Variants in ING4 observed in about 807,000 individuals in gnomAD.
ING4 encodes the protein inhibitor of growth protein 4.
A neutral mutation model predicts 33.1 loss-of-function variants in ING4; 28 were observed. The ratio of observed to expected loss-of-function variants is 0.85; its 90% CI spans 0.63 to 1.16. ING4 has a LOEUF of 1.16. Among genes scored for constraint, ING4 ranks in the 50% most tolerant of loss-of-function variants. The pLI, the probability that ING4 is intolerant of heterozygous loss-of-function variation, is 0.00. For synonymous variants in ING4, 87 were observed against 104.4 expected, an observed-to-expected ratio of 0.83 and a Z score of 1.02; for missense variants, 247 against 314.7, an observed-to-expected ratio of 0.78 and a Z score of 1.63.
intron 6 of ING4, 87 bp downstream of exon 6, chr12:6,652,184 C>G: frequency 6.9e-7 from 1 of 1,444,930 alleles, no homozygotes; most frequent in Non-Finnish European, 9.5e-7. Flanking sequence ...TCTGAAGTCC[C>G]AGTACTCAAC....
intron 1 of ING4, 26 bp downstream of exon 1, chr12:6,663,039 G>T: frequency 5.6e-6 from 9 of 1,611,844 alleles, no homozygotes; most frequent in Non-Finnish European, 7.6e-6. Flanking sequence ...CTGCAGCCCC[G>T]ACCCCCACCT....
At chr12:6,662,975 C>T (rs1223816489) in intron 1 of ING4, 90 bp downstream of exon 1, 2 of 1,374,900 alleles carry the variant, frequency 1.5e-6, no homozygotes, top group Admixed American at 1.9e-5. Flanking sequence ...GTGACCTTCT[C>T]GTCACTGGAA....
chr12:6,658,742 ACT>A (rs1361160821), intron 1 of ING4, among the ~76,000 whole-genome samples: 27 of 151,914 alleles, frequency 1.8e-4, no homozygotes, highest in African/African-American at 6.0e-4. Context: ...TAATCAAGTC[ACT>A]CTCCCGCTTA....
chr12:6,650,979 G>A lies in ING4; in HGVS notation c.*216C>T. The stretch of plus-strand genomic sequence containing the variant: ...CACGTCCCTCCGAAGGGAGAGGGCT[G>A]AAGGAGAGCACATACCGTTAGTGGC... On this transcript the variant is annotated 3_prime_UTR_variant, in exon 8 of 8. Transcript: ENST00000341550. 3.3e-6 allele frequency: 2 copies of A among 610,306 alleles called. No homozygotes were observed. Among genetic ancestry groups the A allele is most frequent in the East Asian group, 5.5e-5 (2 of 36,060 alleles). 37.8% of individuals were successfully genotyped at this position (610,306 alleles called of 1,614,324 possible). A position where few individuals can be genotyped will look rare whatever the true frequency, so the allele number is the denominator to read the frequency against.
intron 1 of ING4, among the ~76,000 whole-genome samples, 200 bp downstream of exon 1, chr12:6,662,865 T>TC (rs1426402459): frequency 2.3e-5 from 3 of 129,014 alleles, no homozygotes; most frequent in Non-Finnish European, 5.2e-5. Context: ...ACCGCACCCC[T>TC]CCCTCGTCTA....
intron 1 of ING4, among the ~76,000 whole-genome samples, chr12:6,658,255 G>A (rs1294973541): frequency 2.0e-5 from 3 of 151,846 alleles, no homozygotes; most frequent in Non-Finnish European, 4.4e-5. Context: ...CCACTAAGAC[G>A]GGCCCCTTTC....
chr12:6,658,198 G>A (rs939534452), intron 1 of ING4, among the ~76,000 whole-genome samples: 7 of 151,758 alleles, frequency 4.6e-5, no homozygotes, highest in African/African-American at 1.7e-4. Flanking sequence ...GGCCTCAGGT[G>A]ATCCGCCCGC....
Position 6,652,274 on chromosome 12 carries a change from A to G in ING4, c.642T>C (p.Pro214=), listed in dbSNP as rs1308746655. ...CCTAAGGCAAAATGTTTCTCACATC[A>G]GGGTTGTCACAGCCAATCATCTCTC... is the stretch of plus-strand genomic sequence containing the variant. The part of the protein sequence containing the change: ...SYGEMIGCDN[P]DCSIEWFHFA... Residue 214 remains proline (P), a synonymous_variant, in exon 6 of 8, where the codon CCT becomes CCC. Coordinates refer to ENST00000341550, the MANE Select transcript of ING4 (RefSeq NM_016162.4). The G allele has an allele frequency of 1.9e-6, 3 of 1,613,800 alleles. No homozygotes were observed. The highest frequency in any genetic ancestry group is 2.2e-5 in the South Asian group (2 of 91,052).
intron 1 of ING4, among the ~76,000 whole-genome samples, chr12:6,659,910 T>C (rs971204667): frequency 6.7e-6 from 1 of 149,762 alleles, no homozygotes; most frequent in Non-Finnish European, 1.5e-5. Context: ...ACCAGGGAGG[T>C]AGAGGTTGCA....
In ING4 at chr12:6,657,601, T is replaced by G. The variant is rs141682293; in HGVS notation, c.38-803A>C. On this transcript the variant is annotated intron_variant, in intron 1 of 7. Coordinates refer to ENST00000341550, the MANE Select transcript of ING4 (RefSeq NM_016162.4). ...AAACCTTTCCATTTCTGCATGGCTA[T>G]CCCACCCTTTTCGCCTTCAGTGACC... Among the ~76,000 whole-genome samples, 8 of 152,234 alleles carry G rather than the reference T, an allele frequency of 5.3e-5. No homozygotes were observed. In the East Asian group the frequency reaches 9.7e-4, roughly 19 times the overall value.
Position 6,656,748 on chromosome 12 carries a change from C to A in ING4, c.88G>T (p.Asp30Tyr). The A allele has an allele frequency of 6.4e-7, 1 of 1,573,128 alleles. No homozygotes were observed. Among genetic ancestry groups the A allele is most frequent in the South Asian group, 1.2e-5 (1 of 83,926 alleles). ...ELQRNFQLMR[D>Y]LDQRTEDLKA... ...ATACCCTCTGTTCTTTGGTCTAGGT[C>A]CCTCATGAGCTGAAAGTTTCTCTGT... The change falls in exon 2 of 8, where the codon GAC becomes TAC. Residue 30 changes from aspartate to tyrosine, a missense_variant. Physicochemically the swap from Asp to Tyr is radical, Grantham distance 160. Transcript: ENST00000341550.
At chr12:6,655,733 A>C in intron 2 of ING4, 1 of 491,918 alleles carries the variant, frequency 2.0e-6, no homozygotes, top group Non-Finnish European at 3.4e-6. Flanking sequence ...ACACAGCTTC[A>C]TGTATCTCAA....
intron 1 of ING4, 91 bp from the exon 2 acceptor site, chr12:6,656,889 C>A: frequency 1.3e-6 from 1 of 764,720 alleles, no homozygotes; most frequent in South Asian, 2.0e-5. Context: ...CATGGTGGCT[C>A]ACGCCTGCAA....
chr12:6,652,126 C>A, intron 6 of ING4, 145 bp downstream of exon 6: 1 of 1,037,348 alleles, frequency 9.6e-7, no homozygotes, highest in Non-Finnish European at 1.4e-6. Context: ...TCCCAAAGTG[C>A]TGGGATTTCA....
chr12:6,663,063 A>G lies in ING4; in HGVS notation c.37+2T>C. ...CGACCCCCACCTCCAGCCTGCTCTT[A>G]CTGTCCAGATAATGTTCCAAATACA... On this transcript the variant is annotated splice_donor_variant, in intron 1 of 7. Coordinates refer to ENST00000341550, the MANE Select transcript of ING4 (RefSeq NM_016162.4). LOFTEE classifies it high-confidence loss of function. The G allele has an allele frequency of 6.2e-7, 1 of 1,613,890 alleles. No homozygotes were observed. The highest frequency in any genetic ancestry group is 8.5e-7 in the Non-Finnish European group (1 of 1,179,934).
chr12:6,652,174 T>G (rs1949203528), intron 6 of ING4, 97 bp downstream of exon 6: 4 of 1,394,638 alleles, frequency 2.9e-6, no homozygotes, highest in Non-Finnish European at 3.9e-6. Context: ...TTTCTTCTAT[T>G]CTGAAGTCCC....
Position 6,651,224 on chromosome 12 carries a change from G to A in ING4, c.718C>T (p.Arg240Cys), listed in dbSNP as rs1565396306. The change falls in exon 8 of 8, where the codon CGC becomes TGC. Residue 240 changes from arginine to cysteine, a missense_variant. Physicochemically the swap from Arg to Cys is radical, Grantham distance 180. Around this residue, in one of 3 missense-constraint regions of ING4, gnomAD observed 38 missense variants for 49.7 expected, o/e 0.77. Transcript: ENST00000341550. The stretch of plus-strand genomic sequence containing the variant: ...TTCTTCTTCCGTTCTTGGGAGCAGC[G>A]TGGGCAAAACCTGAAACAGAGAAGG... The part of the protein sequence containing the change: ...TKPRGKWFCP[R>C]CSQERKKK The A allele has an allele frequency of 2.5e-6, 4 of 1,614,210 alleles. No homozygotes were observed. Among genetic ancestry groups the A allele is most frequent in the Non-Finnish European group, 2.5e-6 (3 of 1,180,026 alleles).
chr12:6,652,837 C>A, intron 4 of ING4, 70 bp from the exon 5 acceptor site: 3 of 1,565,232 alleles, frequency 1.9e-6, no homozygotes, highest in African/African-American at 1.4e-5. Flanking sequence ...CTTCTCTCCC[C>A]CTTTCCAACC....
intron 2 of ING4, among the ~76,000 whole-genome samples, chr12:6,653,663 C>T (rs1252417035): frequency 6.6e-6 from 1 of 152,160 alleles, no homozygotes; most frequent in Non-Finnish European, 1.5e-5. Flanking sequence ...CCTTTGCACA[C>T]CACATTAATA....
Sources: gnomAD v4.1 joint callset for allele counts (sites outside exome capture counted in the v4.1 genomes callset) on GRCh38, gnomAD v4.1.1 for gene constraint, gnomAD v4.1.1 regional missense constraint, MANE v1.5 for transcripts, NCBI Gene and HGNC (gene_info 2026-07-23, HGNC 2026-07-21) for gene names.